Variants in HSF2BP observed in about 807,000 individuals in gnomAD.
HSF2BP encodes heat shock factor 2-binding protein.
Under a neutral mutation model 35.0 loss-of-function variants are expected in HSF2BP, and 35 were observed. The ratio of observed to expected loss-of-function variants is 1.00; its 90% CI spans 0.76 to 1.32. The LOEUF is 1.32. Among genes scored for constraint, HSF2BP ranks in the 40% most tolerant of loss-of-function variants. The pLI, the probability that HSF2BP is intolerant of heterozygous loss-of-function variation, is 0.00. For synonymous variants in HSF2BP, 114 were observed against 117.4 expected (o/e 0.97, Z 0.18); for missense variants, 326 against 321.7 (o/e 1.01, Z -0.10).
intron 8 of HSF2BP, among the ~76,000 whole-genome samples, chr21:43,585,456 C>T (rs2081836858): frequency 6.6e-6 from 1 of 152,136 alleles, no homozygotes; most frequent in South Asian, 2.1e-4. Context: ...ATAGGAAGCT[C>T]TCAACCCAAG....
chr21:43,604,164 C>G (rs557723841), intron 7 of HSF2BP, among the ~76,000 whole-genome samples: 10 of 151,940 alleles, frequency 6.6e-5, no homozygotes, highest in Non-Finnish European at 1.2e-4. Context: ...AGGGCACATC[C>G]CAGAGGAAGG....
chr21:43,642,522 A>G (rs8133523), intron 4 of HSF2BP, among the ~76,000 whole-genome samples: 102,382 of 151,920 alleles, frequency 0.67, 35,016 homozygotes, highest in East Asian at 0.79. Flanking sequence ...TATTCACCTT[A>G]CAGGAGCTTC....
rs754707482 is a variant in HSF2BP, at chr21:43,633,339, GCT to G, written c.372_373del (p.Ala125SerfsTer13). On this transcript the variant is annotated frameshift_variant, in exon 5 of 9. Coordinates refer to ENST00000291560, the MANE Select transcript of HSF2BP (RefSeq NM_007031.2). LOFTEE classifies it high-confidence loss of function. ...ACCCCACAAGAGGGTACACGCTGCT[GCT>G]CCCATTTCTGTACAATACTCTGCCT... 3 of 1,614,138 alleles carry G rather than the reference GCT, an allele frequency of 1.9e-6. No individual in the cohort carries two copies. The South Asian group carries it at 3.3e-5, about 18-fold the overall frequency.
chr21:43,601,389 A>G (rs1243893893), intron 7 of HSF2BP, among the ~76,000 whole-genome samples: 1 of 152,218 alleles, frequency 6.6e-6, no homozygotes, highest in Non-Finnish European at 1.5e-5. Flanking sequence ...TATGGAGAGC[A>G]AGAATCTTTC....
chr21:43,623,061 C>T (rs535638402), intron 6 of HSF2BP, among the ~76,000 whole-genome samples: 1 of 151,762 alleles, frequency 6.6e-6, no homozygotes, highest in Admixed American at 6.6e-5. Flanking sequence ...ACCTGAGTCT[C>T]TCATAGTGCT....
intron 5 of HSF2BP, among the ~76,000 whole-genome samples, chr21:43,631,643 A>G (rs765024182): frequency 2.6e-5 from 4 of 152,162 alleles, no homozygotes; most frequent in Admixed American, 6.5e-5. Flanking sequence ...AGAATGAATC[A>G]CCAACCTGGT....
chr21:43,652,863 C>T (rs1424991471), intron 3 of HSF2BP, among the ~76,000 whole-genome samples: 1 of 151,996 alleles, frequency 6.6e-6, no homozygotes, highest in East Asian at 1.9e-4. Context: ...AGGCCAGGCG[C>T]AGTGGCTCAT....
intron 7 of HSF2BP, among the ~76,000 whole-genome samples, chr21:43,613,469 A>G (rs1052359754): frequency 6.6e-6 from 1 of 152,212 alleles, no homozygotes; most frequent in African/African-American, 2.4e-5. Context: ...GAAATAATAA[A>G]TGGTGTTGTT....
chr21:43,577,945 C>G (rs1009062878), intron 8 of HSF2BP, among the ~76,000 whole-genome samples: 2 of 152,150 alleles, frequency 1.3e-5, no homozygotes, highest in African/African-American at 4.8e-5. Context: ...TTTGTGAGAT[C>G]TACTCCCTGC....
At chr21:43,580,349 C>T (rs954450577) in intron 8 of HSF2BP, among the ~76,000 whole-genome samples, 13 of 152,164 alleles carry the variant, frequency 8.5e-5, no homozygotes, top group South Asian at 4.1e-4. Flanking sequence ...GTTTCTATTG[C>T]GCTCAGCTTG....
At chr21:43,601,305 CTG>C (rs1466463187) in intron 7 of HSF2BP, among the ~76,000 whole-genome samples, 3 of 152,122 alleles carry the variant, frequency 2.0e-5, no homozygotes, top group Non-Finnish European at 4.4e-5. Flanking sequence ...AATCATCAGA[CTG>C]TGATTTTTTT....
chr21:43,588,897 C>T (rs764661816), intron 8 of HSF2BP, among the ~76,000 whole-genome samples: 21 of 152,174 alleles, frequency 1.4e-4, no homozygotes, highest in Non-Finnish European at 2.5e-4. Flanking sequence ...GGAGTACAAG[C>T]ATAGCCCCCT....
chr21:43,635,672 T>C (rs1275366752), intron 4 of HSF2BP, among the ~76,000 whole-genome samples: 1 of 152,106 alleles, frequency 6.6e-6, no homozygotes, highest in East Asian at 1.9e-4. Context: ...ATCCTAGCAT[T>C]CTGGGAGGCT....
intron 8 of HSF2BP, among the ~76,000 whole-genome samples, chr21:43,590,729 T>G (rs1370121461): frequency 6.6e-6 from 1 of 152,218 alleles, no homozygotes; most frequent in Non-Finnish European, 1.5e-5. Flanking sequence ...ATAATTATGC[T>G]GAGTGAAAGA....
intron 3 of HSF2BP, among the ~76,000 whole-genome samples, chr21:43,652,651 G>A (rs2082805091): frequency 6.6e-6 from 1 of 152,100 alleles, no homozygotes; most frequent in Admixed American, 6.6e-5. Flanking sequence ...CTTATAAAAA[G>A]AAGAATTTTT....
At chr21:43,639,475 A>G (rs2082607378) in intron 4 of HSF2BP, among the ~76,000 whole-genome samples, 1 of 152,214 alleles carries the variant, frequency 6.6e-6, no homozygotes, top group Admixed American at 6.5e-5. Flanking sequence ...TCCAATTAGA[A>G]CATGGGTAAA....
intron 5 of HSF2BP, among the ~76,000 whole-genome samples, chr21:43,631,476 GACCACCTCATC>G (rs2147001809): frequency 6.6e-6 from 1 of 152,214 alleles, no homozygotes; most frequent in South Asian, 2.1e-4. Flanking sequence ...CAGCTAGAAT[GACCACCTCATC>G]AGTCATCCTG....
At chr21:43,638,086 A>G (rs567741507) in intron 4 of HSF2BP, among the ~76,000 whole-genome samples, 68 of 152,186 alleles carry the variant, frequency 4.5e-4, no homozygotes, top group Non-Finnish European at 8.5e-4. Context: ...AACAGCCCCT[A>G]TTTTCAGATG....
At chr21:43,657,768 G>C (rs2082895129) in intron 2 of HSF2BP, 1 of 896,472 alleles carries the variant, frequency 1.1e-6, no homozygotes, top group African/African-American at 1.8e-5. Context: ...ACGGAGCAGA[G>C]AAGAGAGTGA....
Sources: allele counts gnomAD v4.1 joint callset (sites outside exome capture counted in the v4.1 genomes callset), GRCh38; gene constraint gnomAD v4.1.1; transcripts MANE v1.5; gene names NCBI Gene and HGNC (gene_info 2026-07-23, HGNC 2026-07-21).